RPAP3: variants seen among roughly 807,000 people sequenced by gnomAD.
RPAP3 encodes RNA polymerase II-associated protein 3.
Under a neutral mutation model 88.8 loss-of-function variants are expected in RPAP3, and 58 were observed. The ratio of observed to expected loss-of-function variants is 0.65; its 90% CI spans 0.53 to 0.81. The LOEUF (loss-of-function observed/expected upper bound fraction) is 0.81. Ranked by LOEUF, RPAP3 falls within the 40% of genes least tolerant of loss-of-function variation. The probability of loss-of-function intolerance (pLI) is 0.00; values close to 1 mark genes in which losing one functional copy is unlikely to be tolerated. For synonymous variants in RPAP3, 255 were observed against 259.9 expected (o/e 0.98, Z 0.18); for missense variants, 751 against 764.3 (o/e 0.98, Z 0.20).
At chr12:47,705,446 G>A (rs1008491560) in intron 1 of RPAP3, among the ~76,000 whole-genome samples, 3 of 152,338 alleles carry the variant, frequency 2.0e-5, no homozygotes, top group South Asian at 2.1e-4. Context: ...CAACAAGTCA[G>A]TGAGATGCTG....
At chr12:47,672,672 T>C (rs1275630592) in intron 12 of RPAP3, among the ~76,000 whole-genome samples, 2 of 152,108 alleles carry the variant, frequency 1.3e-5, no homozygotes, top group Non-Finnish European at 2.9e-5. Flanking sequence ...TCAACAGCAA[T>C]TTTTTTCCCT....
At chr12:47,682,333 AG>A (rs1939237259) in intron 9 of RPAP3, among the ~76,000 whole-genome samples, 1 of 152,168 alleles carries the variant, frequency 6.6e-6, no homozygotes, top group Non-Finnish European at 1.5e-5. Flanking sequence ...TCAGACTTAC[AG>A]ACTTACTCAT....
chr12:47,686,950 C>A, intron 8 of RPAP3, 43 bp from the exon 9 acceptor site: 3 of 1,233,966 alleles, frequency 2.4e-6, no homozygotes, highest in Admixed American at 2.5e-5. Context: ...AAAAAAATTT[C>A]AAAAAAAATA....
intron 16 of RPAP3, among the ~76,000 whole-genome samples, chr12:47,666,269 T>A (rs1400242596): frequency 1.3e-5 from 2 of 152,252 alleles, no homozygotes; most frequent in Non-Finnish European, 2.9e-5. Flanking sequence ...AAAATTGTGA[T>A]GTGGAAATAA....
chr12:47,688,360 G>A (rs1013022350), intron 7 of RPAP3, among the ~76,000 whole-genome samples: 2 of 151,304 alleles, frequency 1.3e-5, no homozygotes, highest in Non-Finnish European at 2.9e-5. Flanking sequence ...GAGGGGAGGG[G>A]ATGAAAAACT....
At chr12:47,670,444 C>A in intron 12 of RPAP3, 99 bp from the exon 13 acceptor site, 2 of 660,744 alleles carry the variant, frequency 3.0e-6, no homozygotes, top group Non-Finnish European at 2.6e-6. Context: ...AGCTAATATC[C>A]CAGTGATTAG....
At chr12:47,683,595 G>C (rs1939269357) in intron 9 of RPAP3, among the ~76,000 whole-genome samples, 1 of 152,098 alleles carries the variant, frequency 6.6e-6, no homozygotes, top group South Asian at 2.1e-4. Context: ...ATTATTCTTT[G>C]AAAATAGACT....
chr12:47,702,859 G>T lies in RPAP3; in HGVS notation c.-6-13C>A. On this transcript the variant is annotated splice_polypyrimidine_tract_variant and intron_variant, in intron 1 of 16. Transcript: ENST00000005386. ...AAGTCATTATGGTCTGCAGAGTTTT[G>T]AACAACCAACCTCTGATAAGAATAG... The T allele has an allele frequency of 1.2e-6, 2 of 1,603,496 alleles. No individual in the cohort carries two copies. The highest frequency in any genetic ancestry group is 1.7e-5 in the Admixed American group (1 of 58,140).
At chr12:47,694,146 G>C (rs1379337764) in intron 5 of RPAP3, among the ~76,000 whole-genome samples, 3 of 152,142 alleles carry the variant, frequency 2.0e-5, no homozygotes, top group Non-Finnish European at 4.4e-5. Flanking sequence ...ATAAAAGGTA[G>C]GAGAATATGC....
At chr12:47,677,568 A>C (rs1160614481) in intron 12 of RPAP3, among the ~76,000 whole-genome samples, 2 of 152,162 alleles carry the variant, frequency 1.3e-5, no homozygotes, top group Non-Finnish European at 2.9e-5. Context: ...ATCAATGTGC[A>C]AAAATCACAA....
At chr12:47,665,347 C>T (rs1429168620) in intron 16 of RPAP3, among the ~76,000 whole-genome samples, 2 of 150,920 alleles carry the variant, frequency 1.3e-5, no homozygotes, top group Non-Finnish European at 2.9e-5. Flanking sequence ...GAGCTCTTGA[C>T]TTCAGGTGAT....
At chr12:47,690,684 T>C in intron 5 of RPAP3, 45 bp from the exon 6 acceptor site, 4 of 1,315,126 alleles carry the variant, frequency 3.0e-6, no homozygotes, top group Non-Finnish European at 4.1e-6. Flanking sequence ...ATAAAACTAA[T>C]TTACTAAACC....
rs778745026 is a variant in RPAP3, at chr12:47,667,782, C to T, written c.1783G>A (p.Val595Ile). ...ATGTAAAAGTCATGCAGAATTTTAA[C>T]GATCTGGTTGAATACATCTGGATCC... ...NLDPDVFNQI[V>I]KILHDFYIEK... The change falls in exon 15 of 17, where the codon GTT becomes ATT. Residue 595 changes from valine to isoleucine, a missense_variant. By Grantham distance (29) the Val-to-Ile change is conservative. Coordinates refer to ENST00000005386, the MANE Select transcript of RPAP3 (RefSeq NM_024604.3). 8 of 1,599,052 alleles carry T rather than the reference C, an allele frequency of 5.0e-6. No individual in the cohort carries two copies. The highest frequency in any genetic ancestry group is 1.3e-5 in the African/African-American group (1 of 74,412).
intron 2 of RPAP3, among the ~76,000 whole-genome samples, chr12:47,701,919 G>C (rs1380467153): frequency 2.0e-5 from 3 of 152,130 alleles, no homozygotes; most frequent in Admixed American, 6.5e-5. Context: ...CGATGAACCA[G>C]CAGTAGTGCA....
At position 47,688,973 on chromosome 12, in the gene RPAP3, C is replaced by T. The variant is rs142269429; in HGVS notation, c.738+152G>A. 917 of 514,710 alleles carry T rather than the reference C, an allele frequency of 1.8e-3. 9 individuals are homozygous for T. Among genetic ancestry groups the T allele is most frequent in the African/African-American group, 0.017 (825 of 49,442 alleles). 31.9% of individuals were successfully genotyped at this position (514,710 alleles called of 1,614,324 possible). A position where few individuals can be genotyped will look rare whatever the true frequency, so the allele number is the denominator to read the frequency against. On this transcript the variant is annotated intron_variant, in intron 7 of 16. Coordinates refer to ENST00000005386, the MANE Select transcript of RPAP3 (RefSeq NM_024604.3). ...TTAAATACCATTACACTCCCTCTAG[C>T]ATGCAAATTCATTTAGTAAAACTCT... is the stretch of plus-strand genomic sequence containing the variant.
At position 47,690,494 on chromosome 12, in the gene RPAP3, C is replaced by A. The variant is rs899197833; in HGVS notation, c.667+24G>T. Reference sequence around the variant, plus strand: ...TGTGAGATAACACTGTTAAAGAATTCTTTAGAGAGTGACTAGAAAATACCT... The same window carrying A: ...TGTGAGATAACACTGTTAAAGAATTATTTAGAGAGTGACTAGAAAATACCT... On this transcript the variant is annotated intron_variant, in intron 6 of 16. Coordinates refer to ENST00000005386, the MANE Select transcript of RPAP3 (RefSeq NM_024604.3). 4 of 1,581,608 alleles carry A rather than the reference C, an allele frequency of 2.5e-6. No individual in the cohort carries two copies. In the African/African-American group the frequency reaches 4.1e-5, roughly 16 times the overall value.
chr12:47,705,188 G>A lies in RPAP3; in HGVS notation c.-7+764C>T, dbSNP rs115624340. ...AGAAGAGTCAAAGCTTTAGGCGGAGGGAAGAGAAGTAAGGTGGGAGGGAGA... is the reference window on the plus strand; with the variant it reads ...AGAAGAGTCAAAGCTTTAGGCGGAGAGAAGAGAAGTAAGGTGGGAGGGAGA... On this transcript the variant is annotated intron_variant, in intron 1 of 16. Transcript: ENST00000005386. Among the ~76,000 whole-genome samples, 544 of 152,222 alleles carry A rather than the reference G, an allele frequency of 3.6e-3. 2 individuals carry two copies. Among genetic ancestry groups the A allele is most frequent in the African/African-American group, 0.012 (504 of 41,518 alleles).
rs1565717625 is a variant in RPAP3 at position 47,681,676 on chromosome 12, C to G, written c.1114+20G>C. 2 of 1,609,222 alleles carry G rather than the reference C, an allele frequency of 1.2e-6. No individual in the cohort carries two copies. The highest frequency in any genetic ancestry group is 2.2e-5 in the East Asian group (1 of 44,706). ...GGCACTCATCAGGATGACTGAGTGCCAGCTGTTATAAAGTCTTACCTTGTT... is the reference window on the plus strand; with the variant it reads ...GGCACTCATCAGGATGACTGAGTGCGAGCTGTTATAAAGTCTTACCTTGTT... On this transcript the variant is annotated intron_variant, in intron 10 of 16. Transcript: ENST00000005386.
chr12:47,669,190 TTGAC>T, intron 13 of RPAP3, 88 bp from the exon 14 acceptor site: 1 of 815,240 alleles, frequency 1.2e-6, no homozygotes, highest in Non-Finnish European at 2.0e-6. Context: ...TTTTAAATTT[TTGAC>T]TATTAATATT....
Sources: gnomAD v4.1 joint callset for allele counts (sites outside exome capture counted in the v4.1 genomes callset) on GRCh38, gnomAD v4.1.1 for gene constraint, MANE v1.5 for transcripts, NCBI Gene and HGNC (gene_info 2026-07-23, HGNC 2026-07-21) for gene names.